KLHL1: variants seen among roughly 807,000 people sequenced by gnomAD.
The protein encoded by KLHL1 is kelch like family member 1.
A neutral mutation model predicts 77.7 loss-of-function variants in KLHL1; 47 were observed. The ratio of observed to expected loss-of-function variants is 0.60; its 90% CI spans 0.48 to 0.77. The LOEUF (loss-of-function observed/expected upper bound fraction) is 0.77. Among genes scored for constraint, KLHL1 ranks in the 30% least tolerant of loss-of-function variants. The probability of loss-of-function intolerance (pLI) is 0.00; values close to 1 mark genes in which losing one functional copy is unlikely to be tolerated. For missense variants in KLHL1, 925 were observed against 910.8 expected (o/e 1.02, Z -0.20); for synonymous variants, 360 against 325.2 (o/e 1.11, Z -1.15).
intron 1 of KLHL1, among the ~76,000 whole-genome samples, chr13:69,983,138 T>C (rs1489066864): frequency 6.6e-6 from 1 of 152,122 alleles, no homozygotes; most frequent in African/African-American, 2.4e-5. Context: ...ATAAAGATAG[T>C]ACAGAGGGTG....
At chr13:70,007,770 A>G (rs1885440065) in intron 1 of KLHL1, among the ~76,000 whole-genome samples, 1 of 152,040 alleles carries the variant, frequency 6.6e-6, no homozygotes, top group Non-Finnish European at 1.5e-5. Context: ...TAAAACACAG[A>G]ACAAGAAAAC....
chr13:69,995,392 G>A (rs1377936583), intron 1 of KLHL1, among the ~76,000 whole-genome samples: 1 of 152,032 alleles, frequency 6.6e-6, no homozygotes, highest in Non-Finnish European at 1.5e-5. Context: ...TTATTACTTG[G>A]TCTATTTAAT....
At chr13:70,046,406 C>T (rs1886495773) in intron 1 of KLHL1, among the ~76,000 whole-genome samples, 1 of 152,158 alleles carries the variant, frequency 6.6e-6, no homozygotes, top group Non-Finnish European at 1.5e-5. Flanking sequence ...TAAAATCCCA[C>T]AGGTGCAGAG....
chr13:69,940,481 G>A (rs865784234), intron 3 of KLHL1, among the ~76,000 whole-genome samples: 3 of 151,908 alleles, frequency 2.0e-5, no homozygotes, highest in Admixed American at 6.6e-5. Flanking sequence ...CTGTATACAC[G>A]TCAGCAGAAA....
chr13:69,721,873 A>T (rs1184074708), intron 8 of KLHL1, among the ~76,000 whole-genome samples: 1 of 152,102 alleles, frequency 6.6e-6, no homozygotes, highest in African/African-American at 2.4e-5. Context: ...GGAACATTTT[A>T]AAAAACAAGT....
chr13:69,736,660 T>C (rs978214987), intron 8 of KLHL1, among the ~76,000 whole-genome samples: 1 of 148,724 alleles, frequency 6.7e-6, no homozygotes, highest in Non-Finnish European at 1.5e-5. Flanking sequence ...CAATTAGTGA[T>C]TGGATAAAGA....
chr13:69,748,679 CAT>C (rs901805436), intron 7 of KLHL1, among the ~76,000 whole-genome samples: 1 of 151,820 alleles, frequency 6.6e-6, no homozygotes, highest in Admixed American at 6.6e-5. Flanking sequence ...GTATATAACT[CAT>C]AGTATTTGTG....
intron 5 of KLHL1, among the ~76,000 whole-genome samples, chr13:69,881,995 G>T (rs1399160563): frequency 1.3e-5 from 2 of 151,698 alleles, no homozygotes; most frequent in African/African-American, 4.9e-5. Context: ...CAAAACTTCT[G>T]TATGGCAGTA....
chr13:69,833,812 TAC>T (rs1157844555), intron 6 of KLHL1, among the ~76,000 whole-genome samples: 76 of 138,844 alleles, frequency 5.5e-4, no homozygotes, highest in African/African-American at 7.5e-4. Flanking sequence ...TATATATATA[TAC>T]ACACACACAC....
In KLHL1 at chr13:70,056,106, C is replaced by A. The variant is rs576826045; in HGVS notation, c.497+51097G>T. On this transcript the variant is annotated intron_variant, in intron 1 of 10. Transcript: ENST00000377844. ...TGCTGCCTACAATAAATACACTTCACCTATAAAGACATGTGCAGACTGAAA... is the reference window on the plus strand; with the variant it reads ...TGCTGCCTACAATAAATACACTTCAACTATAAAGACATGTGCAGACTGAAA... 3.9e-5 allele frequency among the ~76,000 whole-genome samples: 6 copies of A among 151,998 alleles called. No homozygotes were observed. The South Asian group carries it at 1.2e-3, about 32-fold the overall frequency.
At chr13:69,881,242 G>A (rs931150786) in intron 5 of KLHL1, among the ~76,000 whole-genome samples, 3 of 151,444 alleles carry the variant, frequency 2.0e-5, no homozygotes, top group African/African-American at 4.8e-5. Flanking sequence ...TTTCAATTAC[G>A]GTAATGTGTT....
intron 1 of KLHL1, among the ~76,000 whole-genome samples, chr13:69,996,089 G>A (rs1160176583): frequency 3.9e-5 from 6 of 152,072 alleles, no homozygotes; most frequent in Non-Finnish European, 5.9e-5. Context: ...AGGATCATGA[G>A]GTCAGGAGAC....
At chr13:69,848,014 C>A (rs947714078) in intron 5 of KLHL1, among the ~76,000 whole-genome samples, 2 of 151,586 alleles carry the variant, frequency 1.3e-5, no homozygotes, top group African/African-American at 4.8e-5. Context: ...ATATTCAGTG[C>A]TAAATGAACC....
chr13:69,861,598 A>G (rs1880162646), intron 5 of KLHL1, among the ~76,000 whole-genome samples: 1 of 151,914 alleles, frequency 6.6e-6, no homozygotes, highest in East Asian at 1.9e-4. Flanking sequence ...TTTTACAAAC[A>G]AGTTTATGAT....
chr13:69,891,833 T>C (rs1881432648), intron 4 of KLHL1, among the ~76,000 whole-genome samples: 1 of 152,036 alleles, frequency 6.6e-6, no homozygotes, highest in African/African-American at 2.4e-5. Flanking sequence ...GCTCAAAAGT[T>C]TAATATGTGA....
chr13:69,726,161 T>C lies in KLHL1; in HGVS notation c.1803-6580A>G, dbSNP rs78493415. 6.9e-4 allele frequency among the ~76,000 whole-genome samples: 105 copies of C among 152,316 alleles called. 2 individuals are homozygous for C. The East Asian group carries it at 0.018, about 26-fold the overall frequency. On this transcript the variant is annotated intron_variant, in intron 8 of 10. Transcript: ENST00000377844. ...CACTCCCATACCATTATGTAAATAC[T>C]AGAATGTTTTGCTAAGTAGCTTGGG...
intron 1 of KLHL1, among the ~76,000 whole-genome samples, chr13:70,046,454 T>A (rs924770751): frequency 6.6e-6 from 1 of 152,084 alleles, no homozygotes; most frequent in African/African-American, 2.4e-5. Context: ...TCATCTCACT[T>A]CATGGTCTAT....
chr13:70,006,167 A>C (rs59374137), intron 1 of KLHL1, among the ~76,000 whole-genome samples: 31,230 of 151,974 alleles, frequency 0.21, 3,344 homozygotes, highest in Middle Eastern at 0.27. Flanking sequence ...AGGTTCATCT[A>C]TATTGTTGCA....
intron 1 of KLHL1, among the ~76,000 whole-genome samples, chr13:70,025,495 G>T (rs1023629553): frequency 6.6e-6 from 1 of 151,996 alleles, no homozygotes; most frequent in Admixed American, 6.6e-5. Flanking sequence ...ACAAGAACAT[G>T]CATGAAATAT....
Sources: allele counts gnomAD v4.1 joint callset (sites outside exome capture counted in the v4.1 genomes callset), GRCh38; gene constraint gnomAD v4.1.1; transcripts MANE v1.5; gene names NCBI Gene and HGNC (gene_info 2026-07-23, HGNC 2026-07-21).